ZNF532: variants seen among roughly 807,000 people sequenced by gnomAD.
The protein encoded by ZNF532 is zinc finger protein 532.
Under a neutral mutation model 89.3 loss-of-function variants are expected in ZNF532, and 22 were observed. The ratio of observed to expected loss-of-function variants is 0.25; its 90% confidence interval spans 0.18 to 0.35. The LOEUF is 0.35. ZNF532 is among the 10% of genes least tolerant of loss of function. ZNF532 has a pLI of 1.00. For synonymous variants in ZNF532, 606 were observed against 649.6 expected (o/e 0.93, Z 1.02); for missense variants, 1,132 against 1,643.4 (o/e 0.69, Z 5.38).
chr18:58,966,726 G>A lies in ZNF532; in HGVS notation c.3151-12329G>A, dbSNP rs577119452. ...CACATCTTGTGTATAGCCAGAAAAG[G>A]CATTTTTTTGTGTTTTTTTTTTTTT... On this transcript the variant is annotated intron_variant, in intron 7 of 9. Coordinates refer to ENST00000591808, the MANE Select transcript of ZNF532 (RefSeq NM_001375912.1). Among the ~76,000 whole-genome samples, 3 of 145,236 alleles carry A rather than the reference G, an allele frequency of 2.1e-5. No individual in the cohort carries two copies. The South Asian group carries it at 6.4e-4, about 31-fold the overall frequency.
intron 7 of ZNF532, among the ~76,000 whole-genome samples, chr18:58,964,967 A>G (rs775139390): frequency 1.5e-4 from 22 of 148,984 alleles, no homozygotes; most frequent in Non-Finnish European, 2.7e-4. Context: ...TTTATATACT[A>G]TAGATCATAT....
intron 5 of ZNF532, among the ~76,000 whole-genome samples, chr18:58,944,082 G>A (rs2063448750): frequency 6.6e-6 from 1 of 152,166 alleles, no homozygotes; most frequent in Non-Finnish European, 1.5e-5. Flanking sequence ...TCCCATCTGT[G>A]AAATGGCAGC....
At chr18:58,900,164 G>A (rs985006289) in intron 2 of ZNF532, among the ~76,000 whole-genome samples, 5 of 152,204 alleles carry the variant, frequency 3.3e-5, no homozygotes, top group Admixed American at 6.5e-5. Context: ...GCGCAGCTGC[G>A]GCCTGTCCTC....
rs144609053 is a variant in ZNF532, at chr18:58,904,951, C to T, written c.-17-13320C>T. The stretch of plus-strand genomic sequence containing the variant: ...CCGACTCCAGAGTTCTAGCAGTTCT[C>T]GTGCCTCAGCCTCCCGAGTAGCTGA... On this transcript the variant is annotated intron_variant, in intron 2 of 9. Coordinates refer to ENST00000591808, the MANE Select transcript of ZNF532 (RefSeq NM_001375912.1). 1.5e-4 allele frequency among the ~76,000 whole-genome samples: 23 copies of T among 151,628 alleles called. 1 individual carries two copies. The East Asian group carries it at 4.5e-3, about 29-fold the overall frequency.
intron 2 of ZNF532, among the ~76,000 whole-genome samples, chr18:58,917,726 A>G (rs1334663874): frequency 6.6e-6 from 1 of 152,002 alleles, no homozygotes; most frequent in African/African-American, 2.4e-5. Context: ...AAAAAGTCCC[A>G]AATGGAATTT....
intron 5 of ZNF532, among the ~76,000 whole-genome samples, chr18:58,944,179 T>C (rs1023781967): frequency 6.6e-6 from 1 of 152,214 alleles, no homozygotes; most frequent in African/African-American, 2.4e-5. Context: ...CAGTTGATGG[T>C]AATGTAGGAG....
chr18:58,890,653 A>G (rs1365802008), intron 2 of ZNF532, among the ~76,000 whole-genome samples: 2 of 151,064 alleles, frequency 1.3e-5, no homozygotes, highest in Non-Finnish European at 2.9e-5. Flanking sequence ...TTACTTATTA[A>G]GTACTACCTG....
At chr18:58,933,432 A>G (rs1349825922) in intron 3 of ZNF532, among the ~76,000 whole-genome samples, 1 of 152,234 alleles carries the variant, frequency 6.6e-6, no homozygotes, top group East Asian at 1.9e-4. Flanking sequence ...ACTGTTGTCA[A>G]TATAAACAAA....
chr18:58,946,304 T>C (rs1420544133), intron 5 of ZNF532, among the ~76,000 whole-genome samples: 1 of 151,020 alleles, frequency 6.6e-6, no homozygotes, highest in Non-Finnish European at 1.5e-5. Flanking sequence ...TTTTTTTTTT[T>C]TTTTTTGAGA....
intron 5 of ZNF532, among the ~76,000 whole-genome samples, chr18:58,942,969 A>G (rs1338325025): frequency 2.6e-5 from 4 of 152,174 alleles, no homozygotes; most frequent in Non-Finnish European, 5.9e-5. Flanking sequence ...TCCCAGTTCA[A>G]AAAGCATGGC....
chr18:58,871,583 T>G (rs12608378), intron 2 of ZNF532, among the ~76,000 whole-genome samples: 13,105 of 152,236 alleles, frequency 0.086, 1,116 homozygotes, highest in East Asian at 0.41. Context: ...GGGGTGAGCA[T>G]GGAAGCTGTT....
At chr18:58,902,419 C>T (rs766398591) in intron 2 of ZNF532, among the ~76,000 whole-genome samples, 3 of 151,808 alleles carry the variant, frequency 2.0e-5, no homozygotes, top group Non-Finnish European at 2.9e-5. Context: ...CGTGCAGTGG[C>T]GTGATCATTT....
At chr18:58,913,002 C>T (rs1277000596) in intron 2 of ZNF532, among the ~76,000 whole-genome samples, 1 of 152,118 alleles carries the variant, frequency 6.6e-6, no homozygotes, top group Non-Finnish European at 1.5e-5. Context: ...ATGAGGTCGA[C>T]CTGCGTAGCT....
In ZNF532 at chr18:58,880,771, CGTCT is replaced by C. The variant is rs1308689691; in HGVS notation, c.-18+15195_-18+15198del. ...TCATAGGCGCGCGCGCACGCGCGCG[CGTCT>C]GTGTGTGTGTGTGTATGTTTGGGGC... On this transcript the variant is annotated intron_variant, in intron 2 of 9. Coordinates refer to ENST00000591808, the MANE Select transcript of ZNF532 (RefSeq NM_001375912.1). Among the ~76,000 whole-genome samples the C allele has an allele frequency of 8.4e-3, 1,222 of 145,344 alleles. 22 individuals carry two copies. Among genetic ancestry groups the C allele is most frequent in the African/African-American group, 0.029 (1,143 of 39,526 alleles).
intron 8 of ZNF532, chr18:58,980,036 T>TGA (rs902699678): frequency 7.2e-5 from 11 of 151,860 alleles, no homozygotes; most frequent in Non-Finnish European, 1.5e-4. Flanking sequence ...GCATGTCTCA[T>TGA]GAGAGAGAGA....
chr18:58,877,716 G>T (rs1478057082), intron 2 of ZNF532, among the ~76,000 whole-genome samples: 1 of 152,178 alleles, frequency 6.6e-6, no homozygotes, highest in Non-Finnish European at 1.5e-5. Flanking sequence ...GACAGTATCG[G>T]CTCTGGGCCT....
At chr18:58,904,725 C>G (rs2059816602) in intron 2 of ZNF532, among the ~76,000 whole-genome samples, 1 of 152,108 alleles carries the variant, frequency 6.6e-6, no homozygotes, top group African/African-American at 2.4e-5. Flanking sequence ...CCAAATAAAT[C>G]ATTTATCATC....
chr18:58,863,748 G>C (rs934544422), upstream of ZNF532: 1 of 151,616 alleles, frequency 6.6e-6, no homozygotes, highest in South Asian at 2.0e-4. Flanking sequence ...CCCCGGGAAG[G>C]GGGTGGGTGT....
intron 2 of ZNF532, among the ~76,000 whole-genome samples, chr18:58,903,062 T>A (rs1004889401): frequency 1.3e-5 from 2 of 152,238 alleles, no homozygotes; most frequent in African/African-American, 2.4e-5. Flanking sequence ...AGCCTTTTAA[T>A]GTCTGTGTGC....
Sources: gnomAD v4.1 joint callset for allele counts (sites outside exome capture counted in the v4.1 genomes callset) on GRCh38, gnomAD v4.1.1 for gene constraint, MANE v1.5 for transcripts, NCBI Gene and HGNC (gene_info 2026-07-23, HGNC 2026-07-21) for gene names.